The following FIGN variants were observed in gnomAD, a reference collection of about 807,000 sequenced individuals.
FIGN encodes fidgetin.
FIGN carries 11 observed loss-of-function variants against 51.3 expected under a neutral mutation model. The ratio of observed to expected loss-of-function variants is 0.21; its 90% CI spans 0.13 to 0.35. The LOEUF is 0.35. Ranked by LOEUF, FIGN falls within the 10% of genes least tolerant of loss-of-function variation. The pLI is 1.00. For missense variants in FIGN, 857 were observed against 943.6 expected (o/e 0.91, Z 1.20); for synonymous variants, 407 against 363.2 (o/e 1.12, Z -1.37).
At chr2:163,702,521 A>G (rs1684424914) in intron 2 of FIGN, among the ~76,000 whole-genome samples, 1 of 152,128 alleles carries the variant, frequency 6.6e-6, no homozygotes, top group Non-Finnish European at 1.5e-5. Context: ...TAGTGGTACC[A>G]TTCCTGATGT....
At chr2:163,655,919 A>C (rs1250944127) in intron 2 of FIGN, among the ~76,000 whole-genome samples, 1 of 152,132 alleles carries the variant, frequency 6.6e-6, no homozygotes, top group African/African-American at 2.4e-5. Context: ...TACTTACAGC[A>C]TAAGTGGACT....
At chr2:163,718,560 T>C (rs956266337) in intron 2 of FIGN, among the ~76,000 whole-genome samples, 1 of 152,210 alleles carries the variant, frequency 6.6e-6, no homozygotes, top group African/African-American at 2.4e-5. Context: ...CTAATTTTAT[T>C]ACACCACATT....
rs1202140788 is a variant in FIGN, at chr2:163,609,227, A to C, written c.*325T>G. 3 of 262,088 alleles carry C rather than the reference A, an allele frequency of 1.1e-5. No individual in the cohort carries two copies. The highest frequency in any genetic ancestry group is 2.2e-5 in the Non-Finnish European group (3 of 138,574). The allele number at this position is 262,088 out of a possible 1,614,324, so 16.2% of individuals were successfully genotyped here. A position where few individuals can be genotyped will look rare whatever the true frequency, so the allele number is the denominator to read the frequency against. ...ACTTGACAGCAACTAAATCTCGAGA[A>C]CAGCAGAATGGAATCAACACACGAG... On this transcript the variant is annotated 3_prime_UTR_variant, in exon 3 of 3. Transcript: ENST00000333129.
chr2:163,630,457 C>G (rs1683128368), intron 2 of FIGN, among the ~76,000 whole-genome samples: 1 of 152,068 alleles, frequency 6.6e-6, no homozygotes. Context: ...GAGTCCCCAA[C>G]ACCAGGCAGG....
At chr2:163,637,409 T>C (rs1683242874) in intron 2 of FIGN, among the ~76,000 whole-genome samples, 1 of 152,332 alleles carries the variant, frequency 6.6e-6, no homozygotes, top group East Asian at 1.9e-4. Context: ...CAGCATCTCC[T>C]ATGCTAGCAA....
At chr2:163,634,530 A>C (rs1385033353) in intron 2 of FIGN, among the ~76,000 whole-genome samples, 1 of 152,086 alleles carries the variant, frequency 6.6e-6, no homozygotes, top group Admixed American at 6.5e-5. Context: ...TCATTATACT[A>C]TGAGGTCCCT....
At chr2:163,611,878 T>C in intron 2 of FIGN, 72 bp from the exon 3 acceptor site, 2 of 1,318,788 alleles carry the variant, frequency 1.5e-6, no homozygotes, top group Non-Finnish European at 2.1e-6. Context: ...TTTCCCCCAA[T>C]TTCTTTTGTT....
intron 2 of FIGN, among the ~76,000 whole-genome samples, chr2:163,618,362 C>T (rs1046494453): frequency 6.6e-6 from 1 of 151,898 alleles, no homozygotes; most frequent in Non-Finnish European, 1.5e-5. Context: ...AATTACAATA[C>T]ATTTTGCAGC....
intron 2 of FIGN, among the ~76,000 whole-genome samples, chr2:163,707,382 A>G (rs1684517960): frequency 6.6e-6 from 1 of 151,714 alleles, no homozygotes; most frequent in Non-Finnish European, 1.5e-5. Flanking sequence ...AAGAAAAAAC[A>G]CTCCTCAATA....
intron 2 of FIGN, among the ~76,000 whole-genome samples, chr2:163,675,427 A>G (rs555697744): frequency 1.1e-4 from 16 of 152,344 alleles, no homozygotes; most frequent in Middle Eastern, 3.4e-3. Flanking sequence ...TCCCTGGACC[A>G]GCAGCAACAG....
chr2:163,706,275 T>C (rs1321497746), intron 2 of FIGN, among the ~76,000 whole-genome samples: 2 of 152,182 alleles, frequency 1.3e-5, no homozygotes, highest in Non-Finnish European at 2.9e-5. Context: ...GGTTCTATTT[T>C]AGAGAACTAT....
At chr2:163,725,160 C>G (rs961145508) in intron 2 of FIGN, among the ~76,000 whole-genome samples, 19 of 152,078 alleles carry the variant, frequency 1.2e-4, no homozygotes, top group African/African-American at 4.6e-4. Flanking sequence ...CAAACTACTT[C>G]TCATGATCTA....
chr2:163,735,158 C>T (rs1290918672), intron 1 of FIGN, 86 bp from the exon 2 acceptor site: 5 of 525,054 alleles, frequency 9.5e-6, no homozygotes, highest in Non-Finnish European at 1.3e-5. Flanking sequence ...AAAAAAAGCA[C>T]ATGACCAGGA....
At chr2:163,645,518 C>T (rs1002919748) in intron 2 of FIGN, among the ~76,000 whole-genome samples, 32 of 152,252 alleles carry the variant, frequency 2.1e-4, no homozygotes, top group Middle Eastern at 6.8e-3. Flanking sequence ...ATTATGGCTT[C>T]TGGGGAAAAT....
At chr2:163,629,261 G>A (rs1291168902) in intron 2 of FIGN, among the ~76,000 whole-genome samples, 2 of 152,186 alleles carry the variant, frequency 1.3e-5, no homozygotes, top group African/African-American at 4.8e-5. Flanking sequence ...AGACAAGTGA[G>A]GATTTTCAGA....
intron 2 of FIGN, among the ~76,000 whole-genome samples, chr2:163,707,924 T>G (rs943347515): frequency 2.6e-5 from 4 of 152,156 alleles, no homozygotes; most frequent in African/African-American, 9.6e-5. Flanking sequence ...AAATAAAAAT[T>G]TATATTTAAG....
At position 163,638,021 on chromosome 2, in the gene FIGN, C is replaced by A. The variant is rs562818481; in HGVS notation, c.26-26215G>T. On this transcript the variant is annotated intron_variant, in intron 2 of 2. Transcript: ENST00000333129. Reference sequence around the variant, plus strand: ...GGCACCATTGGCTGTGCTGAGAATTCTCCTATCTCTTCACACCAGGGGTTT... The same window carrying A: ...GGCACCATTGGCTGTGCTGAGAATTATCCTATCTCTTCACACCAGGGGTTT... Among the ~76,000 whole-genome samples the A allele has an allele frequency of 3.9e-5, 6 of 152,204 alleles. No individual in the cohort carries two copies. In the East Asian group the frequency reaches 1.2e-3, roughly 30 times the overall value.
chr2:163,645,303 G>C (rs1683365358), intron 2 of FIGN, among the ~76,000 whole-genome samples: 1 of 152,046 alleles, frequency 6.6e-6, no homozygotes, highest in African/African-American at 2.4e-5. Flanking sequence ...TAGGAAACAA[G>C]GTTGAGCTCC....
chr2:163,688,667 C>A (rs1036820268), intron 2 of FIGN, among the ~76,000 whole-genome samples: 2 of 152,238 alleles, frequency 1.3e-5, no homozygotes, highest in South Asian at 4.1e-4. Flanking sequence ...AGGGAGACAA[C>A]ATGAACACAT....
Sources: gnomAD v4.1 joint callset for allele counts (sites outside exome capture counted in the v4.1 genomes callset) on GRCh38, gnomAD v4.1.1 for gene constraint, MANE v1.5 for transcripts, NCBI Gene and HGNC (gene_info 2026-07-23, HGNC 2026-07-21) for gene names.